CCDC171: variants seen among roughly 807,000 people sequenced by gnomAD.
The protein encoded by CCDC171 is coiled-coil domain containing 171.
A neutral mutation model predicts 168.2 loss-of-function variants in CCDC171; 177 were observed. The observed-to-expected ratio is 1.05, with a 90% CI of 0.93 to 1.19. The LOEUF (loss-of-function observed/expected upper bound fraction) is 1.19. CCDC171 is among the 50% of genes most tolerant of loss of function. CCDC171 has a pLI of 0.00. For synonymous variants in CCDC171, 687 were observed against 540.8 expected (o/e 1.27, Z -3.75); for missense variants, 1,991 against 1,539.0 (o/e 1.29, Z -4.91).
At chr9:15,727,576 GC>G (rs1484986237) in intron 14 of CCDC171, among the ~76,000 whole-genome samples, 2 of 152,164 alleles carry the variant, frequency 1.3e-5, no homozygotes, top group African/African-American at 4.8e-5. Flanking sequence ...TTAAGCCTGA[GC>G]AGGTGTTTAC....
At chr9:15,578,363 T>G (rs2040839546) in intron 3 of CCDC171, among the ~76,000 whole-genome samples, 1 of 150,280 alleles carries the variant, frequency 6.7e-6, no homozygotes, top group South Asian at 2.1e-4. Flanking sequence ...GCCTCCTGAG[T>G]AGCTGAGACT....
chr9:15,770,999 A>G (rs1407536584), intron 18 of CCDC171, among the ~76,000 whole-genome samples: 1 of 152,188 alleles, frequency 6.6e-6, no homozygotes, highest in Non-Finnish European at 1.5e-5. Context: ...TCAATGGATA[A>G]TGAATATTTT....
At chr9:15,959,604 C>T (rs1182054949) in intron 25 of CCDC171, among the ~76,000 whole-genome samples, 1 of 152,080 alleles carries the variant, frequency 6.6e-6, no homozygotes, top group African/African-American at 2.4e-5. Flanking sequence ...AGACAACCTA[C>T]TCCAAGCGCA....
chr9:16,078,182 T>C, the CCDC171 span, among the ~76,000 whole-genome samples: 1 of 152,070 alleles, frequency 6.6e-6, no homozygotes, highest in African/African-American at 2.4e-5. Flanking sequence ...ATTGTACACC[T>C]TGAATACGTA....
chr9:15,578,452 T>C (rs912151614), intron 3 of CCDC171, among the ~76,000 whole-genome samples: 4 of 135,280 alleles, frequency 3.0e-5, no homozygotes, highest in African/African-American at 1.1e-4. Flanking sequence ...ATTATTATTA[T>C]TGAGACAGGG....
At chr9:15,797,996 A>G (rs918846888) in intron 21 of CCDC171, among the ~76,000 whole-genome samples, 6 of 152,082 alleles carry the variant, frequency 3.9e-5, no homozygotes, top group African/African-American at 1.4e-4. Flanking sequence ...TGTTTCATTG[A>G]TCTATATGTC....
At chr9:16,051,918 A>C (rs561812737) in intron 1 of CCDC171, among the ~76,000 whole-genome samples, 1 of 152,190 alleles carries the variant, frequency 6.6e-6, no homozygotes, top group Non-Finnish European at 1.5e-5. Flanking sequence ...ATGAGGAGCA[A>C]AGTCACGTCT....
intron 21 of CCDC171, among the ~76,000 whole-genome samples, chr9:15,802,834 C>G (rs866809605): frequency 5.9e-5 from 9 of 152,144 alleles, no homozygotes; most frequent in African/African-American, 1.7e-4. Context: ...AATCACCACA[C>G]TGTCTTCCAC....
intron 24 of CCDC171, 153 bp downstream of exon 24, chr9:15,874,816 C>A (rs1817637211): frequency 1.4e-6 from 1 of 709,796 alleles, no homozygotes; most frequent in Non-Finnish European, 2.0e-6. Flanking sequence ...TAACAGTATA[C>A]TTTACAAAAT....
chr9:15,746,225 G>T (rs1588264162), intron 18 of CCDC171, among the ~76,000 whole-genome samples: 1 of 152,116 alleles, frequency 6.6e-6, no homozygotes, highest in East Asian at 1.9e-4. Flanking sequence ...GACTAATTAT[G>T]GTCATTTCAG....
Position 15,870,802 on chromosome 9 carries a change from TG to T in CCDC171, c.3469-3729del, listed in dbSNP as rs1268401875. Among the ~76,000 whole-genome samples the T allele has an allele frequency of 3.3e-5, 5 of 151,246 alleles. No homozygotes were observed. In the Admixed American group the frequency reaches 3.3e-4, roughly 10 times the overall value. On this transcript the variant is annotated intron_variant, in intron 23 of 25. Transcript: ENST00000380701. ...ATCTAGCAGAAATAGCTTTTTTTTT[TG>T]TTTTGGTAGGAGCATAAAAATTAGA...
At chr9:15,679,702 C>G (rs2133433175) in intron 10 of CCDC171, among the ~76,000 whole-genome samples, 1 of 152,170 alleles carries the variant, frequency 6.6e-6, no homozygotes, top group African/African-American at 2.4e-5. Context: ...GATGTGCCAC[C>G]TTGCTTGGCT....
rs567408097 is a variant in CCDC171 at position 15,672,501 on chromosome 9, T to A, written c.1076+6178T>A. Among the ~76,000 whole-genome samples, 153 of 152,352 alleles carry A rather than the reference T, an allele frequency of 1.0e-3. 1 individual carries two copies. The highest frequency in any genetic ancestry group is 2.6e-4 in the Non-Finnish European group (18 of 68,040). ...TGGTTTTAGGTCTTACATTTAAGTC[T>A]TTAATCCATCTTGAGTTAATTTTTG... is the stretch of plus-strand genomic sequence containing the variant. On this transcript the variant is annotated intron_variant, in intron 9 of 25. Coordinates refer to ENST00000380701, the MANE Select transcript of CCDC171 (RefSeq NM_173550.4).
chr9:15,799,975 T>G (rs911942063), intron 21 of CCDC171, among the ~76,000 whole-genome samples: 21 of 152,292 alleles, frequency 1.4e-4, no homozygotes, highest in African/African-American at 4.6e-4. Flanking sequence ...TATGGCTGCG[T>G]AATACTCTAT....
intron 18 of CCDC171, among the ~76,000 whole-genome samples, chr9:15,748,924 C>A (rs1222619084): frequency 6.6e-6 from 1 of 152,074 alleles, no homozygotes; most frequent in Non-Finnish European, 1.5e-5. Flanking sequence ...GGCAAAATAA[C>A]CAGCTAACAT....
intron 5 of CCDC171, among the ~76,000 whole-genome samples, chr9:15,593,050 G>C (rs1316549237): frequency 2.0e-5 from 3 of 151,814 alleles, no homozygotes; most frequent in African/African-American, 7.3e-5. Context: ...AGTCCCCAGA[G>C]TGTGATGTTC....
chr9:16,025,174 G>C (rs993287738), intron 6 of CCDC171, among the ~76,000 whole-genome samples: 1 of 152,216 alleles, frequency 6.6e-6, no homozygotes, highest in Admixed American at 6.5e-5. Flanking sequence ...GGGCATGGTG[G>C]CTCACACCTG....
intron 3 of CCDC171, among the ~76,000 whole-genome samples, chr9:15,979,408 A>T (rs1831724326): frequency 6.6e-6 from 1 of 152,184 alleles, no homozygotes; most frequent in Non-Finnish European, 1.5e-5. Flanking sequence ...ATGAAGTGTG[A>T]CATTAGCAAT....
intron 14 of CCDC171, among the ~76,000 whole-genome samples, chr9:15,726,194 A>C (rs2053788061): frequency 6.6e-6 from 1 of 152,170 alleles, no homozygotes; most frequent in South Asian, 2.1e-4. Context: ...CACATCAGAT[A>C]ATGATTAAAG....
Sources: allele counts gnomAD v4.1 joint callset (sites outside exome capture counted in the v4.1 genomes callset), GRCh38; gene constraint gnomAD v4.1.1; transcripts MANE v1.5; gene names NCBI Gene and HGNC (gene_info 2026-07-23, HGNC 2026-07-21).